DPH5: variants seen among roughly 807,000 people sequenced by gnomAD.
DPH5 encodes diphthamide biosynthesis 5, also known as diphthine methyl ester synthase.
Under a neutral mutation model 31.6 loss-of-function variants are expected in DPH5, and 31 were observed. The ratio of observed to expected loss-of-function variants is 0.98; its 90% CI spans 0.74 to 1.32. The LOEUF is 1.32. Among genes scored for constraint, DPH5 ranks in the 40% most tolerant of loss-of-function variants. The pLI is 0.00. For missense variants in DPH5, 309 were observed against 335.7 expected (o/e 0.92, Z 0.62); for synonymous variants, 120 against 115.0 (o/e 1.04, Z -0.28).
chr1:100,993,596 A>ATATATATATATATATATATATATATG (rs1658037227), intron 6 of DPH5, among the ~76,000 whole-genome samples: 1 of 129,762 alleles, frequency 7.7e-6, no homozygotes, highest in African/African-American at 2.9e-5. Flanking sequence ...ATATATATAT[A>ATATATATATATATATATATATATATG]TAGCTATTGT....
rs529301753 is a variant in DPH5 at position 100,989,997 on chromosome 1, C to A, written c.*411G>T. 1 of 168,398 alleles carries A rather than the reference C, an allele frequency of 5.9e-6. No homozygotes were observed. Among genetic ancestry groups the A allele is most frequent in the South Asian group, 1.6e-4 (1 of 6,386 alleles). The allele number at this position is 168,398 out of a possible 1,614,324, so 10.4% of individuals were successfully genotyped here. ...TAAGCCAAAAGACCTGTTTGTTACACAAACATGCATGCATCCAGGTATTAA... is the reference window on the plus strand; with the variant it reads ...TAAGCCAAAAGACCTGTTTGTTACAAAAACATGCATGCATCCAGGTATTAA... On this transcript the variant is annotated 3_prime_UTR_variant, in exon 8 of 8. Transcript: ENST00000370109.
intron 5 of DPH5, among the ~76,000 whole-genome samples, chr1:101,000,857 C>A (rs1165694588): frequency 2.6e-5 from 4 of 152,282 alleles, no homozygotes; most frequent in African/African-American, 9.6e-5. Flanking sequence ...AGACAGTGAT[C>A]CCAGCTCTTT....
Position 101,022,314 on chromosome 1 carries a change from T to C in DPH5, c.136-549A>G, listed in dbSNP as rs187953771. Among the ~76,000 whole-genome samples, 166 of 152,304 alleles carry C rather than the reference T, an allele frequency of 1.1e-3. 1 individual carries two copies. Among genetic ancestry groups the C allele is most frequent in the African/African-American group, 3.8e-3 (160 of 41,572 alleles). The stretch of plus-strand genomic sequence containing the variant: ...CCTACATAAATGCAGAAGATACTAA[T>C]TTAAAACTATATTCCTTAGTTTCTG... On this transcript the variant is annotated intron_variant, in intron 2 of 7. Coordinates refer to ENST00000370109, the MANE Select transcript of DPH5 (RefSeq NM_015958.3).
chr1:101,005,924 A>G (rs879589218), intron 4 of DPH5, among the ~76,000 whole-genome samples: 31 of 150,732 alleles, frequency 2.1e-4, no homozygotes, highest in Non-Finnish European at 3.7e-4. Flanking sequence ...GGGGGAGGTG[A>G]GGGGGGGAGC....
At chr1:101,004,028 C>T (rs1024482170) in intron 4 of DPH5, among the ~76,000 whole-genome samples, 3 of 152,076 alleles carry the variant, frequency 2.0e-5, no homozygotes, top group Non-Finnish European at 2.9e-5. Flanking sequence ...AAGAAAGTGA[C>T]AGACCACTTA....
At chr1:100,991,745 C>T (rs1657737588) in intron 7 of DPH5, among the ~76,000 whole-genome samples, 1 of 145,148 alleles carries the variant, frequency 6.9e-6, no homozygotes, top group African/African-American at 2.6e-5. Context: ...GCCATGATTG[C>T]ACCACTGCAC....
chr1:100,993,962 T>G (rs968721541), intron 6 of DPH5, among the ~76,000 whole-genome samples: 14 of 151,936 alleles, frequency 9.2e-5, no homozygotes, highest in Admixed American at 1.3e-4. Context: ...CAGGCTGGTC[T>G]CGAACTGCTG....
At chr1:101,013,366 C>T (rs1041896783) in intron 4 of DPH5, among the ~76,000 whole-genome samples, 8 of 152,186 alleles carry the variant, frequency 5.3e-5, no homozygotes, top group Non-Finnish European at 1.2e-4. Context: ...TCACAATGCT[C>T]TTGACAGCAC....
At chr1:101,008,622 G>A (rs981925796) in intron 4 of DPH5, among the ~76,000 whole-genome samples, 1 of 152,084 alleles carries the variant, frequency 6.6e-6, no homozygotes, top group Non-Finnish European at 1.5e-5. Flanking sequence ...GACAGCCAAG[G>A]TTTCTTTGGT....
At chr1:101,018,462 C>T (rs1660236798) in intron 3 of DPH5, among the ~76,000 whole-genome samples, 1 of 152,120 alleles carries the variant, frequency 6.6e-6, no homozygotes, top group Non-Finnish European at 1.5e-5. Flanking sequence ...TGGTTTCAAA[C>T]TCCTGGGCTC....
At position 101,018,657 on chromosome 1, in the gene DPH5, A is replaced by G. The variant is rs184699298; in HGVS notation, c.260+2984T>C. On this transcript the variant is annotated intron_variant, in intron 3 of 7. Transcript: ENST00000370109. Reference sequence around the variant, plus strand: ...CAAATGACGTTTTCATGAACTATGGAAGCACTAACACTTGGCACTATCCTT... The same window carrying G: ...CAAATGACGTTTTCATGAACTATGGGAGCACTAACACTTGGCACTATCCTT... Among the ~76,000 whole-genome samples the G allele has an allele frequency of 1.2e-3, 179 of 152,326 alleles. 1 individual carries two copies. The highest frequency in any genetic ancestry group is 4.2e-3 in the African/African-American group (174 of 41,572).
chr1:100,990,162 C>T lies in DPH5; in HGVS notation c.*246G>A, dbSNP rs112296562. 10 of 485,850 alleles carry T rather than the reference C, an allele frequency of 2.1e-5. No individual in the cohort carries two copies. Among genetic ancestry groups the T allele is most frequent in the African/African-American group, 3.9e-5 (2 of 51,186 alleles). The allele number at this position is 485,850 out of a possible 1,614,324, so 30.1% of individuals were successfully genotyped here. On this transcript the variant is annotated 3_prime_UTR_variant, in exon 8 of 8. Transcript: ENST00000370109. ...CGGTGGAAGGCACCTCTTCACAGGG[C>T]GGCAAGAGTGAGAATGAGAGCCAGT...
At chr1:101,022,615 G>C (rs1425751924) in intron 2 of DPH5, among the ~76,000 whole-genome samples, 1 of 152,152 alleles carries the variant, frequency 6.6e-6, no homozygotes, top group African/African-American at 2.4e-5. Context: ...AATTCAAATG[G>C]AGTAAAACTG....
At chr1:101,010,458 C>A (rs1365471572) in intron 4 of DPH5, among the ~76,000 whole-genome samples, 1 of 152,138 alleles carries the variant, frequency 6.6e-6, no homozygotes, top group Non-Finnish European at 1.5e-5. Flanking sequence ...GGCTAATAAA[C>A]TACAAAGGTA....
chr1:101,003,741 C>T (rs1049736541), intron 4 of DPH5, among the ~76,000 whole-genome samples: 1 of 152,022 alleles, frequency 6.6e-6, no homozygotes, highest in African/African-American at 2.4e-5. Context: ...TGCTTTAATC[C>T]AACTGCTTTC....
rs78854871 is a variant in DPH5, at chr1:101,006,494, A to G, written c.370-4907T>C. Among the ~76,000 whole-genome samples, 1,195 of 152,284 alleles carry G rather than the reference A, an allele frequency of 7.8e-3. 11 individuals are homozygous for G. The highest frequency in any genetic ancestry group is 0.027 in the African/African-American group (1,132 of 41,570). Reference sequence around the variant, plus strand: ...AGTCAAAAACTGTTCCTAAGTGACTAAAAGAATAGAAAGAGCTTAGATTAT... The same window carrying G: ...AGTCAAAAACTGTTCCTAAGTGACTGAAAGAATAGAAAGAGCTTAGATTAT... On this transcript the variant is annotated intron_variant, in intron 4 of 7. Coordinates refer to ENST00000370109, the MANE Select transcript of DPH5 (RefSeq NM_015958.3).
intron 4 of DPH5, among the ~76,000 whole-genome samples, chr1:101,003,939 TAC>T (rs1171192702): frequency 6.6e-6 from 1 of 152,164 alleles, no homozygotes; most frequent in Non-Finnish European, 1.5e-5. Flanking sequence ...TATGCAATAA[TAC>T]ATACTTTAAA....
chr1:101,002,094 A>G (rs1035424049), intron 4 of DPH5, among the ~76,000 whole-genome samples: 9 of 152,180 alleles, frequency 5.9e-5, no homozygotes, highest in African/African-American at 2.4e-5. Flanking sequence ...TCTCAAGAAA[A>G]CAAAGCATAT....
intron 4 of DPH5, among the ~76,000 whole-genome samples, chr1:101,009,560 A>G (rs1317353829): frequency 6.6e-6 from 1 of 152,172 alleles, no homozygotes; most frequent in Non-Finnish European, 1.5e-5. Flanking sequence ...ATCTTCTCTT[A>G]TGCCCTACTC....
Sources: gnomAD v4.1 joint callset for allele counts (sites outside exome capture counted in the v4.1 genomes callset) on GRCh38, gnomAD v4.1.1 for gene constraint, MANE v1.5 for transcripts, NCBI Gene and HGNC (gene_info 2026-07-23, HGNC 2026-07-21) for gene names.